DDX11: variants seen among roughly 807,000 people sequenced by gnomAD.
The protein encoded by DDX11 is ATP-dependent DNA helicase DDX11.
Under a neutral mutation model 125.2 loss-of-function variants are expected in DDX11, and 72 were observed. The ratio of observed to expected loss-of-function variants is 0.58; its 90% CI spans 0.48 to 0.70. The LOEUF (loss-of-function observed/expected upper bound fraction) is 0.70, where lower values mean the gene tolerates loss of function less well. Ranked by LOEUF, DDX11 falls within the 30% of genes least tolerant of loss-of-function variation. DDX11 has a pLI of 0.00. For missense variants in DDX11, 883 were observed against 1,165.0 expected, an observed-to-expected ratio of 0.76 and a Z score of 3.52; for synonymous variants, 347 against 452.6, an observed-to-expected ratio of 0.77 and a Z score of 2.96.
In DDX11 at chr12:31,083,815, G is replaced by A. The variant is rs149147901; in HGVS notation, c.147G>A (p.Gly49=). The change falls in exon 3 of 27, where the codon GGG becomes GGA. Residue 49 remains glycine (G), a splice_region_variant and synonymous_variant. Transcript: ENST00000542838. The stretch of plus-strand genomic sequence containing the variant: ...AAAGATCATTTTTCTTCCTGCAGGG[G>A]AAGTCCTTAAGTCTTATTTGTGGGG... ...IGIFESPTGT[G]KSLSLICGAL... is the part of the protein sequence containing the mutation. 3.6e-3 allele frequency: 5,820 copies of A among 1,611,974 alleles called. 20 individuals are homozygous for A. The highest frequency in any genetic ancestry group is 4.3e-3 in the Non-Finnish European group (5,077 of 1,179,822).
intron 4 of DDX11, 113 bp downstream of exon 4, chr12:31,084,782 A>G (rs1383775025): frequency 3.7e-6 from 4 of 1,087,490 alleles, no homozygotes; most frequent in Admixed American, 4.0e-5. Flanking sequence ...CTCACTGGCT[A>G]TGTGCTCCCG....
In DDX11 at chr12:31,100,629, C is replaced by T. The variant is rs574757999; in HGVS notation, c.1876-6C>T. 3.2e-5 allele frequency: 49 copies of T among 1,551,976 alleles called. No homozygotes were observed. Among genetic ancestry groups the T allele is most frequent in the Middle Eastern group, 1.7e-4 (1 of 6,008 alleles). ...GGGGCCGTGACGCTGTGGCCTTGGT[C>T]TACAGGTGTCTGACTTCCGGCAGCA... On this transcript the variant is annotated splice_polypyrimidine_tract_variant and splice_region_variant and intron_variant, in intron 18 of 26. Transcript: ENST00000542838.
Position 31,100,472 on chromosome 12 carries a change from A to G in DDX11, c.1876-163A>G, listed in dbSNP as rs549721843. The G allele has an allele frequency of 1.8e-3, 1,059 of 599,864 alleles. 19 individuals carry two copies. The South Asian group carries it at 0.022, about 12-fold the overall frequency. 37.2% of individuals were successfully genotyped at this position (599,864 alleles called of 1,614,324 possible). On this transcript the variant is annotated intron_variant, in intron 18 of 26. Transcript: ENST00000542838. ...TTAAACGAGACTGCCAGCACTGGGT[A>G]TCAGTCACCATTTTTCTTTTTGTTA...
chr12:31,099,133 G>A, intron 18 of DDX11, among the ~76,000 whole-genome samples: 1 of 127,820 alleles, frequency 7.8e-6, no homozygotes, highest in South Asian at 2.5e-4. Context: ...TGTCTCCCAG[G>A]CTGGAGCGCA....
At chr12:31,080,561 G>T (rs983245452) in intron 2 of DDX11, among the ~76,000 whole-genome samples, 12 of 150,864 alleles carry the variant, frequency 8.0e-5, no homozygotes, top group Admixed American at 2.6e-4. Flanking sequence ...GAGAATGAGT[G>T]GGGGAGATCT....
intron 2 of DDX11, among the ~76,000 whole-genome samples, chr12:31,083,316 A>AAC (rs1226743964): frequency 7.5e-5 from 11 of 146,566 alleles, no homozygotes; most frequent in Admixed American, 3.5e-4. Context: ...TTTGCTTAAA[A>AAC]AAAAAAAAAC....
intron 5 of DDX11, 33 bp from the exon 6 acceptor site, chr12:31,087,905 A>G (rs1943439531): frequency 6.2e-7 from 1 of 1,602,618 alleles, no homozygotes; most frequent in Admixed American, 1.7e-5. Context: ...TTGCTGAGGG[A>G]AGACTGTTTT....
intron 2 of DDX11, among the ~76,000 whole-genome samples, chr12:31,082,968 C>T (rs1401754496): frequency 6.6e-6 from 1 of 152,140 alleles, no homozygotes; most frequent in Non-Finnish European, 1.5e-5. Flanking sequence ...AGGATATTAG[C>T]CCTTTAGGCT....
At chr12:31,085,593 C>G (rs1238812052) in intron 5 of DDX11, among the ~76,000 whole-genome samples, 6 of 152,212 alleles carry the variant, frequency 3.9e-5, no homozygotes, top group Non-Finnish European at 7.3e-5. Flanking sequence ...TTGGTCCAGA[C>G]TCAAGGTTTC....
rs1025422668 is a variant in DDX11, at chr12:31,097,412, G to A, written c.1762+422G>A. Among the ~76,000 whole-genome samples, 6 of 145,806 alleles carry A rather than the reference G, an allele frequency of 4.1e-5. No individual in the cohort carries two copies. In the Admixed American group the frequency reaches 4.2e-4, roughly 10 times the overall value. ...TGGAGAGGATAGGCCGGGCGCGGTG[G>A]CTCACGCCTATAATCCCAGCACTTT... On this transcript the variant is annotated intron_variant, in intron 17 of 26. Coordinates refer to ENST00000542838, the MANE Select transcript of DDX11 (RefSeq NM_030653.4).
intron 23 of DDX11, 166 bp from the exon 24 acceptor site, chr12:31,102,770 G>T (rs1273795732): frequency 1.3e-6 from 1 of 754,466 alleles, no homozygotes; most frequent in Non-Finnish European, 2.3e-6. Context: ...GGATCTCTCA[G>T]CCGAACAAGC....
At chr12:31,099,043 GTTTTC>G (rs1294179477) in intron 18 of DDX11, among the ~76,000 whole-genome samples, 2 of 131,894 alleles carry the variant, frequency 1.5e-5, no homozygotes, top group South Asian at 2.5e-4. Context: ...TCTAGGAAAT[GTTTTC>G]AGAATGAATC....
chr12:31,074,679 C>A (rs1311188047), intron 1 of DDX11, among the ~76,000 whole-genome samples: 1 of 152,228 alleles, frequency 6.6e-6, no homozygotes, highest in Non-Finnish European at 1.5e-5. Context: ...TGGGCCAGGC[C>A]ATCCTCCAGC....
chr12:31,100,637 G>C lies in DDX11; in HGVS notation c.1878G>C (p.Val626=), dbSNP rs1338468194. ...VVIAGGTMQP[V]SDFRQQLLAC... is the part of the protein sequence containing the mutation. ...GACGCTGTGGCCTTGGTCTACAGGT[G>C]TCTGACTTCCGGCAGCAGCTGCTGG... The change falls in exon 19 of 27, where the codon GTG becomes GTC. Residue 626 remains valine (V), a splice_region_variant and synonymous_variant. Transcript: ENST00000542838. The C allele has an allele frequency of 6.4e-7, 1 of 1,552,374 alleles. No homozygotes were observed. Among genetic ancestry groups the C allele is most frequent in the African/African-American group, 1.4e-5 (1 of 73,124 alleles).
rs758669529 is a variant in DDX11, at chr12:31,093,438, G to A, written c.1369+114G>A. On this transcript the variant is annotated intron_variant, in intron 12 of 26. Transcript: ENST00000542838. ...TCTGTGTTTTTAAGAAGGGTCGGCC[G>A]GGTGCGGTGGCTCACGCCTGTAATC... 52 of 1,402,976 alleles carry A rather than the reference G, an allele frequency of 3.7e-5. No individual in the cohort carries two copies. In the African/African-American group the frequency reaches 6.4e-4, roughly 17 times the overall value. The allele number at this position is 1,402,976 out of a possible 1,614,324, so 86.9% of individuals were successfully genotyped here.
intron 6 of DDX11, 98 bp from the exon 7 acceptor site, chr12:31,088,946 T>C: frequency 3.1e-6 from 3 of 959,242 alleles, no homozygotes; most frequent in Non-Finnish European, 5.0e-6. Flanking sequence ...GCCACTCCCT[T>C]TCCCTCAGCC....
chr12:31,101,842 G>C lies in DDX11; in HGVS notation c.2062G>C (p.Val688Leu), dbSNP rs1393654441. Residue 688 changes from valine (V) to leucine (L), a missense_variant, in exon 21 of 27, where the codon GTG (valine) becomes CTG (leucine). Val to Leu is a conservative substitution (Grantham distance 32, BLOSUM62 1). Transcript: ENST00000542838. ...KRELPQMMDEVGRILCNLCGV... is the reference protein window; with the variant it reads ...KRELPQMMDELGRILCNLCGV... ...TCCTTTCCTTCCTTAGATGGACGAG[G>C]TGGGTCGCATTCTCTGTAACCTGTG... 3.7e-6 allele frequency: 6 copies of C among 1,613,854 alleles called. No homozygotes were observed. The African/African-American group carries it at 6.7e-5, about 18-fold the overall frequency.
intron 2 of DDX11, 59 bp downstream of exon 2, chr12:31,078,596 T>C (rs1237889996): frequency 1.1e-5 from 17 of 1,611,488 alleles, no homozygotes; most frequent in Non-Finnish European, 1.4e-5. Flanking sequence ...CGTACTAGCT[T>C]TTCCTGTTTG....
intron 2 of DDX11, among the ~76,000 whole-genome samples, chr12:31,082,112 G>C (rs1311216777): frequency 8.5e-6 from 1 of 118,098 alleles, no homozygotes; most frequent in Non-Finnish European, 1.7e-5. Context: ...TAAAAATATG[G>C]GATCCATCCA....
Sources: gnomAD v4.1 joint callset for allele counts (sites outside exome capture counted in the v4.1 genomes callset) on GRCh38, gnomAD v4.1.1 for gene constraint, MANE v1.5 for transcripts, NCBI Gene and HGNC (gene_info 2026-07-23, HGNC 2026-07-21) for gene names.